The following TRIQK variants were observed in gnomAD, a reference collection of about 807,000 sequenced individuals.
TRIQK encodes triple QxxK/R motif containing, also known as triple QxxK/R motif-containing protein.
In TRIQK, 10 loss-of-function variants were observed where a neutral mutation model predicts 10.8. That is an observed-to-expected ratio of 0.92 (90% CI 0.57 to 1.57). The LOEUF (loss-of-function observed/expected upper bound fraction) is 1.57. Ranked by LOEUF, TRIQK falls within the 40% of genes most tolerant of loss-of-function variation. The pLI, the probability that TRIQK is intolerant of heterozygous loss-of-function variation, is 0.00. For synonymous variants in TRIQK, 33 were observed against 33.7 expected, an observed-to-expected ratio of 0.98 and a Z score of 0.07; for missense variants, 107 against 97.7, an observed-to-expected ratio of 1.09 and a Z score of -0.40.
intron 2 of TRIQK, among the ~76,000 whole-genome samples, chr8:92,938,202 T>C (rs139361241): frequency 2.6e-5 from 4 of 152,062 alleles, no homozygotes; most frequent in Admixed American, 6.6e-5. Flanking sequence ...CCAACTGGGA[T>C]AGTTTTGTGG....
intron 2 of TRIQK, among the ~76,000 whole-genome samples, chr8:92,924,739 AATATT>A (rs1325678526): frequency 2.0e-5 from 3 of 151,788 alleles, no homozygotes; most frequent in African/African-American, 7.2e-5. Context: ...TAATTATTTC[AATATT>A]ATAAGTCATA....
intron 3 of TRIQK, among the ~76,000 whole-genome samples, chr8:92,908,370 T>G (rs1399982017): frequency 2.0e-5 from 3 of 152,168 alleles, no homozygotes; most frequent in African/African-American, 7.2e-5. Context: ...TTCTGAATAC[T>G]GCATAAGCTG....
intron 1 of TRIQK, among the ~76,000 whole-genome samples, chr8:92,989,837 G>A (rs919653314): frequency 6.6e-6 from 1 of 152,038 alleles, no homozygotes; most frequent in Non-Finnish European, 1.5e-5. Context: ...ATAAAAGTAG[G>A]TGAAGACATC....
At chr8:92,919,787 A>AT (rs1810078501) in intron 2 of TRIQK, among the ~76,000 whole-genome samples, 1 of 151,618 alleles carries the variant, frequency 6.6e-6, no homozygotes, top group African/African-American at 2.4e-5. Flanking sequence ...TTGATGGAAG[A>AT]TTTTTTATTC....
chr8:92,950,732 G>A (rs965123654), intron 2 of TRIQK, among the ~76,000 whole-genome samples: 29 of 152,016 alleles, frequency 1.9e-4, no homozygotes. Flanking sequence ...GTAACCCTAG[G>A]TCTAACACAT....
chr8:92,976,182 A>G (rs1812930557), intron 1 of TRIQK, among the ~76,000 whole-genome samples: 1 of 151,930 alleles, frequency 6.6e-6, no homozygotes, highest in Non-Finnish European at 1.5e-5. Context: ...TGGTTAATAG[A>G]GTTGTTCAGA....
intron 2 of TRIQK, among the ~76,000 whole-genome samples, chr8:92,925,386 G>C (rs1317850543): frequency 6.6e-6 from 1 of 152,040 alleles, no homozygotes; most frequent in East Asian, 1.9e-4. Flanking sequence ...GAGAAAAAAA[G>C]GATGAACTGG....
intron 1 of TRIQK, among the ~76,000 whole-genome samples, chr8:93,007,088 C>T (rs894548839): frequency 6.6e-6 from 1 of 151,982 alleles, no homozygotes; most frequent in African/African-American, 2.4e-5. Flanking sequence ...ACACCTTATA[C>T]AGGATATTTC....
At chr8:92,942,444 TGTGGAAAA>T (rs1365484112) in intron 2 of TRIQK, among the ~76,000 whole-genome samples, 1 of 152,156 alleles carries the variant, frequency 6.6e-6, no homozygotes, top group African/African-American at 2.4e-5. Context: ...ATATACTGAA[TGTGGAAAA>T]GTTGAAAGCT....
At chr8:92,960,837 T>C (rs1812425485) in intron 1 of TRIQK, 1 of 152,206 alleles carries the variant, frequency 6.6e-6, no homozygotes, top group Admixed American at 6.5e-5. Flanking sequence ...ACCACAGAAC[T>C]GTCAGATACT....
At chr8:92,907,526 C>T (rs1307594198) in intron 3 of TRIQK, among the ~76,000 whole-genome samples, 4 of 152,028 alleles carry the variant, frequency 2.6e-5, no homozygotes. Context: ...TGAGTATTAA[C>T]TAAAAGCAAA....
At chr8:92,926,316 TC>T (rs2130521519) in intron 2 of TRIQK, 1 of 152,138 alleles carries the variant, frequency 6.6e-6, no homozygotes, top group East Asian at 1.9e-4. Context: ...TGACCTCTAC[TC>T]CCTTGAAAAT....
chr8:92,957,618 T>C (rs1812241567), intron 1 of TRIQK, among the ~76,000 whole-genome samples: 1 of 151,946 alleles, frequency 6.6e-6, no homozygotes, highest in African/African-American at 2.4e-5. Context: ...AAAATCTAAA[T>C]ATATTCAAGT....
At chr8:92,993,584 A>C (rs551659970) in intron 1 of TRIQK, among the ~76,000 whole-genome samples, 1 of 152,314 alleles carries the variant, frequency 6.6e-6, no homozygotes, top group South Asian at 2.1e-4. Flanking sequence ...AGTGAGCACA[A>C]CTTTCTGCCA....
At chr8:92,892,624 T>C (rs770416670) in intron 3 of TRIQK, among the ~76,000 whole-genome samples, 8 of 151,994 alleles carry the variant, frequency 5.3e-5, no homozygotes, top group Non-Finnish European at 8.8e-5. Flanking sequence ...TTATTTCCTC[T>C]TTTATTTCCT....
At chr8:92,900,514 T>C (rs1400507868) in intron 3 of TRIQK, among the ~76,000 whole-genome samples, 1 of 152,164 alleles carries the variant, frequency 6.6e-6, no homozygotes, top group Non-Finnish European at 1.5e-5. Flanking sequence ...TCTTAATGTA[T>C]GTTCTTAGCA....
At chr8:92,969,981 C>A (rs1229935396), upstream of TRIQK, among the ~76,000 whole-genome samples, 1 of 152,062 alleles carries the variant, frequency 6.6e-6, no homozygotes, top group East Asian at 1.9e-4. Context: ...GTATGTTGTT[C>A]CCCTCCCTGT....
At chr8:92,934,617 T>C (rs929097011) in intron 2 of TRIQK, among the ~76,000 whole-genome samples, 1 of 151,918 alleles carries the variant, frequency 6.6e-6, no homozygotes. Flanking sequence ...ACAACTGGTC[T>C]ATATCCAATT....
In TRIQK at chr8:92,977,945, C is replaced by T. The variant is rs1812950090; in HGVS notation, c.-180-23381G>A. 6.6e-5 allele frequency among the ~76,000 whole-genome samples: 10 copies of T among 152,160 alleles called. No individual in the cohort carries two copies. The South Asian group carries it at 1.9e-3, about 28-fold the overall frequency. ...TGCTCTTGGAACTATGTTGTATTTC[C>T]ATTTTTGCTGGAATAAATACAAACT... On this transcript the variant is annotated intron_variant, in intron 1 of 4. Transcript: ENST00000520686.
Sources: gnomAD v4.1 joint callset for allele counts (sites outside exome capture counted in the v4.1 genomes callset) on GRCh38, gnomAD v4.1.1 for gene constraint, MANE v1.5 for transcripts, NCBI Gene and HGNC (gene_info 2026-07-23, HGNC 2026-07-21) for gene names.